The following PPP1CB variants were observed in gnomAD, a reference collection of about 807,000 sequenced individuals.
PPP1CB encodes the protein serine/threonine-protein phosphatase PP1-beta catalytic subunit.
Under a neutral mutation model 43.7 loss-of-function variants are expected in PPP1CB, and 2 were observed. The observed-to-expected ratio is 0.05, with a 90% CI of 0.02 to 0.14. The LOEUF (loss-of-function observed/expected upper bound fraction) is 0.14, where lower values mean the gene tolerates loss of function less well. Among genes scored for constraint, PPP1CB ranks in the 10% least tolerant of loss-of-function variants. The pLI is 1.00. For missense variants in PPP1CB, 84 were observed against 398.0 expected (o/e 0.21, Z 6.71); for synonymous variants, 136 against 135.6 (o/e 1.00, Z -0.02).
chr2:28,788,851 T>C, intron 6 of PPP1CB, 42 bp downstream of exon 6: 1 of 1,505,296 alleles, frequency 6.6e-7, no homozygotes, highest in Non-Finnish European at 8.9e-7. Flanking sequence ...TTTTTCTTTC[T>C]TTTTTTTGGG....
intron 6 of PPP1CB, 35 bp downstream of exon 6, chr2:28,788,844 T>C (rs1258613852): frequency 2.6e-6 from 4 of 1,550,092 alleles, no homozygotes; most frequent in Non-Finnish European, 1.7e-6. Flanking sequence ...TTTTTCTTTT[T>C]TCTTTCTTTT....
At chr2:28,790,140 TGTG>T (rs892705297) in intron 6 of PPP1CB, among the ~76,000 whole-genome samples, 4 of 151,826 alleles carry the variant, frequency 2.6e-5, no homozygotes, top group East Asian at 1.9e-4. Context: ...AACAGCCAGA[TGTG>T]GTGGTGTGCA....
intron 7 of PPP1CB, 88 bp from the exon 8 acceptor site, chr2:28,799,111 T>C (rs1381026513): frequency 4.5e-6 from 4 of 898,738 alleles, no homozygotes; most frequent in Non-Finnish European, 6.9e-6. Flanking sequence ...TTGCAGTTTA[T>C]GCCATTTATT....
intron 5 of PPP1CB, among the ~76,000 whole-genome samples, chr2:28,786,723 CGA>C (rs1205904679): frequency 7.6e-6 from 1 of 131,568 alleles, no homozygotes; most frequent in Non-Finnish European, 1.5e-5. Context: ...TGCAGTGAGC[CGA>C]GATCGTGCCA....
chr2:28,771,974 C>CG (rs1666923278), intron 1 of PPP1CB, among the ~76,000 whole-genome samples: 1 of 93,924 alleles, frequency 1.1e-5, no homozygotes, highest in Non-Finnish European at 2.3e-5. Context: ...ACGAACTTGT[C>CG]CAAAAAAAAA....
intron 1 of PPP1CB, among the ~76,000 whole-genome samples, chr2:28,769,561 G>A (rs1254249047): frequency 6.6e-6 from 1 of 152,206 alleles, no homozygotes; most frequent in Non-Finnish European, 1.5e-5. Context: ...ATTAAAGCAA[G>A]TTCTTTGTGT....
intron 1 of PPP1CB, among the ~76,000 whole-genome samples, chr2:28,759,499 G>A (rs1666587843): frequency 8.8e-6 from 1 of 113,372 alleles, no homozygotes; most frequent in Non-Finnish European, 1.7e-5. Flanking sequence ...CAGCCTGGGC[G>A]AAAGAGTGAG....
chr2:28,781,868 AT>A lies in PPP1CB; in HGVS notation c.520+36del, dbSNP rs373637301. On this transcript the variant is annotated intron_variant, in intron 4 of 7. Coordinates refer to ENST00000395366, the MANE Select transcript of PPP1CB (RefSeq NM_002709.3). The stretch of plus-strand genomic sequence containing the variant: ...GTAGACTAGTAAATTTGCCTTACAG[AT>A]TTTTTTTTTCTTCTATTATTCGGAA... 1,916 of 1,469,536 alleles carry A rather than the reference AT, an allele frequency of 1.3e-3. 3 individuals carry two copies. Among genetic ancestry groups the A allele is most frequent in the South Asian group, 2.1e-3 (182 of 84,834 alleles). The allele number at this position is 1,469,536 out of a possible 1,614,324, so 91.0% of individuals were successfully genotyped here.
Position 28,751,858 on chromosome 2 carries a change from A to G in PPP1CB, c.-267A>G. 1 of 520,710 alleles carries G rather than the reference A, an allele frequency of 1.9e-6. No individual in the cohort carries two copies. The highest frequency in any genetic ancestry group is 3.5e-6 in the Non-Finnish European group (1 of 285,430). 32.3% of individuals were successfully genotyped at this position (520,710 alleles called of 1,614,324 possible). ...GAGCTGGGCGGTGCCGAGGAGGAGG[A>G]GGTGGCGGCCTGGGTCTGACGCGGC... On this transcript the variant is annotated 5_prime_UTR_variant, in exon 1 of 8. Coordinates refer to ENST00000395366, the MANE Select transcript of PPP1CB (RefSeq NM_002709.3).
At chr2:28,764,112 G>A (rs1666726730) in intron 1 of PPP1CB, among the ~76,000 whole-genome samples, 1 of 152,036 alleles carries the variant, frequency 6.6e-6, no homozygotes, top group African/African-American at 2.4e-5. Context: ...GAAAGATGGG[G>A]AGGAAAGGAA....
intron 1 of PPP1CB, among the ~76,000 whole-genome samples, chr2:28,767,559 A>T (rs1214090502): frequency 2.0e-5 from 3 of 152,214 alleles, no homozygotes; most frequent in Non-Finnish European, 1.5e-5. Flanking sequence ...TGACGCTGCC[A>T]GGTTGTAACT....
intron 6 of PPP1CB, among the ~76,000 whole-genome samples, chr2:28,793,159 C>A (rs1030616439): frequency 2.0e-5 from 3 of 152,078 alleles, no homozygotes; most frequent in Admixed American, 2.0e-4. Flanking sequence ...GAGCCGAGAT[C>A]ATGCCACTGC....
chr2:28,770,385 G>C lies in PPP1CB; in HGVS notation c.53-6466G>C, dbSNP rs1309667742. Reference sequence around the variant, plus strand: ...ACAAATGAGGAAGTAAAAAAAAGGGGGGGGGGAGGGGGGTGTGGGGGAGAC... The same window carrying C: ...ACAAATGAGGAAGTAAAAAAAAGGGCGGGGGGAGGGGGGTGTGGGGGAGAC... On this transcript the variant is annotated intron_variant, in intron 1 of 7. Coordinates refer to ENST00000395366, the MANE Select transcript of PPP1CB (RefSeq NM_002709.3). Among the ~76,000 whole-genome samples, 31 of 144,406 alleles carry C rather than the reference G, an allele frequency of 2.1e-4. 1 individual carries two copies. In the South Asian group the frequency reaches 5.2e-3, roughly 24 times the overall value. 94.7% of individuals were successfully genotyped at this position (144,406 alleles called of 152,430 possible).
At chr2:28,769,979 CA>C (rs1666868089) in intron 1 of PPP1CB, among the ~76,000 whole-genome samples, 1 of 151,944 alleles carries the variant, frequency 6.6e-6, no homozygotes. Flanking sequence ...GTAAAAGGAG[CA>C]AATATTGGCT....
chr2:28,797,171 T>G (rs1667513261), intron 7 of PPP1CB, among the ~76,000 whole-genome samples: 1 of 152,060 alleles, frequency 6.6e-6, no homozygotes, highest in Non-Finnish European at 1.5e-5. Context: ...GGATTCGGTT[T>G]TAGTATTTTG....
chr2:28,771,585 A>G (rs1666915117), intron 1 of PPP1CB, among the ~76,000 whole-genome samples: 1 of 152,194 alleles, frequency 6.6e-6, no homozygotes, highest in African/African-American at 2.4e-5. Flanking sequence ...CTGTTCCTGT[A>G]TGGTCACCTG....
chr2:28,777,154 G>A, intron 2 of PPP1CB, 172 bp downstream of exon 2: 1 of 567,468 alleles, frequency 1.8e-6, no homozygotes, highest in East Asian at 3.3e-5. Flanking sequence ...TTACAGACAA[G>A]ATGAAAATAC....
At chr2:28,777,421 C>T (rs10188412) in intron 2 of PPP1CB, among the ~76,000 whole-genome samples, 65,013 of 151,756 alleles carry the variant, frequency 0.43, 14,980 homozygotes, top group Non-Finnish European at 0.53. Flanking sequence ...AAGGATGTCA[C>T]GAAAAGGGCA....
intron 1 of PPP1CB, among the ~76,000 whole-genome samples, chr2:28,763,808 G>A (rs1357007509): frequency 6.6e-6 from 1 of 152,102 alleles, no homozygotes. Context: ...GGGTTGAAGC[G>A]ATTCTCCTGC....
Sources: gnomAD v4.1 joint callset for allele counts (sites outside exome capture counted in the v4.1 genomes callset) on GRCh38, gnomAD v4.1.1 for gene constraint, MANE v1.5 for transcripts, NCBI Gene and HGNC (gene_info 2026-07-23, HGNC 2026-07-21) for gene names.